GRID2: variants seen among roughly 807,000 people sequenced by gnomAD.
GRID2 encodes the protein glutamate ionotropic receptor delta type subunit 2.
GRID2 carries 33 observed loss-of-function variants against 114.8 expected under a neutral mutation model. The ratio of observed to expected loss-of-function variants is 0.29; its 90% CI spans 0.22 to 0.38. The LOEUF (loss-of-function observed/expected upper bound fraction) is 0.38. GRID2 is among the 10% of genes least tolerant of loss of function. The pLI, the probability that GRID2 is intolerant of heterozygous loss-of-function variation, is 1.00. For synonymous variants in GRID2, 505 were observed against 449.9 expected, an observed-to-expected ratio of 1.12 and a Z score of -1.55; for missense variants, 1,184 against 1,257.7, an observed-to-expected ratio of 0.94 and a Z score of 0.89.
chr4:92,889,066 T>A (rs1315311175), intron 2 of GRID2, among the ~76,000 whole-genome samples: 4 of 152,140 alleles, frequency 2.6e-5, no homozygotes, highest in Non-Finnish European at 4.4e-5. Context: ...GACAGTATGT[T>A]TTACATGGCC....
chr4:93,291,836 T>A (rs1320825533), intron 8 of GRID2, among the ~76,000 whole-genome samples: 3 of 152,178 alleles, frequency 2.0e-5, no homozygotes, highest in African/African-American at 7.2e-5. Flanking sequence ...ACATGATGTT[T>A]TGAAATATAT....
At chr4:93,802,499 AAG>A (rs1734952757) in intron 1 of GRID2, among the ~76,000 whole-genome samples, 1 of 152,210 alleles carries the variant, frequency 6.6e-6, no homozygotes, top group Non-Finnish European at 1.5e-5. Context: ...AGAATTAAAA[AAG>A]AAAACATTTT....
At chr4:93,381,434 A>T (rs955991872) in intron 8 of GRID2, among the ~76,000 whole-genome samples, 14 of 152,104 alleles carry the variant, frequency 9.2e-5, no homozygotes, top group African/African-American at 2.9e-4. Context: ...GGAGAGACTT[A>T]CTTCTGTCAT....
chr4:92,795,323 C>A (rs2149367919), intron 2 of GRID2, among the ~76,000 whole-genome samples: 1 of 151,928 alleles, frequency 6.6e-6, no homozygotes, highest in East Asian at 2.0e-4. Flanking sequence ...CTCAAGAGAT[C>A]TGATGGGTTT....
intron 1 of GRID2, among the ~76,000 whole-genome samples, chr4:92,503,781 C>A (rs1723810765): frequency 6.6e-6 from 1 of 151,900 alleles, no homozygotes; most frequent in Admixed American, 6.6e-5. Context: ...CTAGAGTAAA[C>A]CTGAAGGAAA....
chr4:93,538,531 TG>T (rs1041284036), intron 13 of GRID2, among the ~76,000 whole-genome samples: 4 of 151,830 alleles, frequency 2.6e-5, no homozygotes, highest in African/African-American at 9.7e-5. Context: ...ACTTAGTGAT[TG>T]GTTTCCAAAG....
intron 4 of GRID2, among the ~76,000 whole-genome samples, chr4:93,183,449 T>C (rs575529144): frequency 1.3e-5 from 2 of 152,338 alleles, no homozygotes; most frequent in South Asian, 2.1e-4. Context: ...TCACGTGTGA[T>C]GAATTTGTTC....
intron 14 of GRID2, among the ~76,000 whole-genome samples, chr4:93,723,040 T>C (rs1729526608): frequency 6.6e-6 from 1 of 152,208 alleles, no homozygotes; most frequent in African/African-American, 2.4e-5. Flanking sequence ...GTTTTTATGA[T>C]TTTCTCTTTG....
At chr4:93,076,916 T>C (rs1437160869) in intron 2 of GRID2, among the ~76,000 whole-genome samples, 1 of 152,176 alleles carries the variant, frequency 6.6e-6, no homozygotes, top group African/African-American at 2.4e-5. Context: ...TCAGGATTTT[T>C]GCCTAAGATC....
chr4:92,697,295 C>T (rs1418564421), intron 2 of GRID2, among the ~76,000 whole-genome samples: 1 of 152,018 alleles, frequency 6.6e-6, no homozygotes, highest in Non-Finnish European at 1.5e-5. Context: ...GGAAATGAAG[C>T]GGAGGCTGTT....
intron 1 of GRID2, among the ~76,000 whole-genome samples, chr4:92,381,106 A>C (rs1729600766): frequency 6.6e-6 from 1 of 152,038 alleles, no homozygotes; most frequent in Non-Finnish European, 1.5e-5. Context: ...ACATTATTTT[A>C]AGTGTTTTAT....
chr4:92,708,040 A>G (rs1735039423), intron 2 of GRID2, among the ~76,000 whole-genome samples: 1 of 152,120 alleles, frequency 6.6e-6, no homozygotes, highest in Admixed American at 6.6e-5. Context: ...ATGGTGAGAG[A>G]CAGAGAAGGC....
chr4:92,754,449 A>G (rs1434698373), intron 2 of GRID2, among the ~76,000 whole-genome samples: 1 of 152,132 alleles, frequency 6.6e-6, no homozygotes, highest in Non-Finnish European at 1.5e-5. Context: ...TAGGATCAAA[A>G]CTATCTAGGT....
At chr4:92,415,476 G>T (rs569837053) in intron 1 of GRID2, among the ~76,000 whole-genome samples, 1 of 151,514 alleles carries the variant, frequency 6.6e-6, no homozygotes, top group East Asian at 2.0e-4. Flanking sequence ...TCCTCCCACA[G>T]TTCCTCCCAA....
At chr4:92,676,634 A>G (rs1733386911) in intron 2 of GRID2, among the ~76,000 whole-genome samples, 1 of 152,138 alleles carries the variant, frequency 6.6e-6, no homozygotes, top group Admixed American at 6.5e-5. Flanking sequence ...TCTGTAAGAT[A>G]AGATCCCCAT....
At chr4:92,516,736 G>A (rs1724520548) in intron 1 of GRID2, among the ~76,000 whole-genome samples, 1 of 151,748 alleles carries the variant, frequency 6.6e-6, no homozygotes, top group South Asian at 2.1e-4. Context: ...CCATGTTTCG[G>A]TTACTGTGCA....
chr4:92,385,526 C>T (rs1729906417), intron 1 of GRID2, among the ~76,000 whole-genome samples: 1 of 151,470 alleles, frequency 6.6e-6, no homozygotes, highest in Non-Finnish European at 1.5e-5. Flanking sequence ...TATGAAAACT[C>T]TCATGTCAAG....
At chr4:92,767,420 C>T (rs181977751) in intron 2 of GRID2, among the ~76,000 whole-genome samples, 1 of 152,112 alleles carries the variant, frequency 6.6e-6, no homozygotes, top group East Asian at 1.9e-4. Context: ...AGCACTAGAC[C>T]CCAGATTTTT....
At chr4:93,134,156 T>C (rs1560914678) in intron 4 of GRID2, among the ~76,000 whole-genome samples, 2 of 152,060 alleles carry the variant, frequency 1.3e-5, no homozygotes, top group East Asian at 1.9e-4. Flanking sequence ...AAAATGTGGG[T>C]CATCTAATGC....
Sources: allele counts gnomAD v4.1 joint callset (sites outside exome capture counted in the v4.1 genomes callset), GRCh38; gene constraint gnomAD v4.1.1; transcripts MANE v1.5; gene names NCBI Gene and HGNC (gene_info 2026-07-23, HGNC 2026-07-21).